NFIB: variants seen among roughly 807,000 people sequenced by gnomAD.
NFIB encodes the protein nuclear factor I B, also known as nuclear factor 1 B-type.
NFIB carries 11 observed loss-of-function variants against 61.5 expected under a neutral mutation model. The ratio of observed to expected loss-of-function variants is 0.18; its 90% confidence interval spans 0.11 to 0.30. The LOEUF is 0.30. NFIB is among the 10% of genes least tolerant of loss of function. The pLI is 1.00. For missense variants in NFIB, 471 were observed against 608.9 expected (o/e 0.77, Z 2.38); for synonymous variants, 260 against 216.5 (o/e 1.20, Z -1.76).
At chr9:14,172,901 C>G (rs2045728868) in intron 3 of NFIB, among the ~76,000 whole-genome samples, 3 of 152,168 alleles carry the variant, frequency 2.0e-5, no homozygotes, top group African/African-American at 7.2e-5. Flanking sequence ...TCCCAAGTAG[C>G]TGGGACTACA....
intron 6 of NFIB, among the ~76,000 whole-genome samples, chr9:14,134,854 C>T (rs939443001): frequency 3.6e-5 from 5 of 140,636 alleles, no homozygotes; most frequent in Non-Finnish European, 3.0e-5. Context: ...GCCAAGATCA[C>T]GCCACTGCTC....
intron 2 of NFIB, among the ~76,000 whole-genome samples, chr9:14,223,931 C>G (rs981783195): frequency 1.3e-5 from 2 of 152,148 alleles, no homozygotes; most frequent in Non-Finnish European, 2.9e-5. Flanking sequence ...TCTAGTTGGC[C>G]AAGAAGTCAC....
chr9:14,397,621 A>G (rs2061699975), intron 1 of NFIB, among the ~76,000 whole-genome samples: 1 of 152,202 alleles, frequency 6.6e-6, no homozygotes, highest in Non-Finnish European at 1.5e-5. Flanking sequence ...TCACATTCCT[A>G]TTCAAGACCA....
chr9:14,339,222 C>T (rs1380180271), intron 1 of NFIB, among the ~76,000 whole-genome samples: 2 of 152,136 alleles, frequency 1.3e-5, no homozygotes, highest in Non-Finnish European at 2.9e-5. Context: ...TCACTTGGAA[C>T]CCTGTCTGAC....
At chr9:14,225,838 A>AT (rs540797670) in intron 2 of NFIB, among the ~76,000 whole-genome samples, 1 of 152,174 alleles carries the variant, frequency 6.6e-6, no homozygotes, top group East Asian at 1.9e-4. Context: ...TTTTTTAATG[A>AT]TTTTTTTCTT....
chr9:14,290,924 G>A (rs2059052956), intron 2 of NFIB, among the ~76,000 whole-genome samples: 1 of 151,960 alleles, frequency 6.6e-6, no homozygotes, highest in Non-Finnish European at 1.5e-5. Flanking sequence ...ATTGATTGTG[G>A]TTTCCTGTAC....
At chr9:14,324,616 A>G (rs1025540457) in intron 1 of NFIB, among the ~76,000 whole-genome samples, 1 of 150,270 alleles carries the variant, frequency 6.7e-6, no homozygotes, top group Non-Finnish European at 1.5e-5. Flanking sequence ...AAAGAAAGAG[A>G]AAAGTATTTC....
chr9:14,212,590 G>C (rs1203279492), intron 2 of NFIB, among the ~76,000 whole-genome samples: 1 of 151,604 alleles, frequency 6.6e-6, no homozygotes, highest in Non-Finnish European at 1.5e-5. Context: ...CTGAGTAATA[G>C]TGTGAATAAT....
chr9:14,340,230 C>T (rs534188674), intron 1 of NFIB, among the ~76,000 whole-genome samples: 3 of 152,274 alleles, frequency 2.0e-5, no homozygotes, highest in South Asian at 2.1e-4. Flanking sequence ...GAGCCCAGTG[C>T]CTACCGACTT....
Position 14,237,635 on chromosome 9 carries a change from A to C in NFIB, c.563-57855T>G, listed in dbSNP as rs148586929. 5.6e-3 allele frequency among the ~76,000 whole-genome samples: 856 copies of C among 152,310 alleles called. 8 individuals are homozygous for C. The highest frequency in any genetic ancestry group is 0.02 in the African/African-American group (818 of 41,570). ...ACCAGATGGGAAAGCTGAGGCATCCAAAAGTTAAATAACTCCCAAATAGCC... is the reference window on the plus strand; with the variant it reads ...ACCAGATGGGAAAGCTGAGGCATCCCAAAGTTAAATAACTCCCAAATAGCC... On this transcript the variant is annotated intron_variant, in intron 2 of 10. Coordinates refer to ENST00000380953, the MANE Select transcript of NFIB (RefSeq NM_001190737.2).
Position 14,389,744 on chromosome 9 carries a change from T to C in NFIB, c.108+8780A>G, listed in dbSNP as rs186759264. 1.9e-3 allele frequency among the ~76,000 whole-genome samples: 263 copies of C among 141,488 alleles called. 1 individual carries two copies. The highest frequency in any genetic ancestry group is 3.5e-3 in the Middle Eastern group (1 of 286). 92.8% of individuals were successfully genotyped at this position (141,488 alleles called of 152,430 possible). On this transcript the variant is annotated intron_variant, in intron 1 of 8. Transcript: ENST00000380934. ...GTAATCAGTGTGGCCTTTCCCAGCA[T>C]TTCCACCCCCAAAGACTCTTTATTA...
chr9:14,431,224 T>C, the NFIB span, among the ~76,000 whole-genome samples: 1 of 152,192 alleles, frequency 6.6e-6, no homozygotes, highest in Non-Finnish European at 1.5e-5. Flanking sequence ...AAAACAACCA[T>C]TGGTTATTAT....
Position 14,313,891 on chromosome 9 carries a change from G to A in NFIB, c.-380C>T, listed in dbSNP as rs1041532430. On this transcript the variant is annotated 5_prime_UTR_variant, in exon 1 of 11. Coordinates refer to ENST00000380953, the MANE Select transcript of NFIB (RefSeq NM_001190737.2). This position sits in a 1 kb window ranked among gnomAD's most constrained non-coding sequence, Gnocchi z 4.5. The stretch of plus-strand genomic sequence containing the variant: ...GGGTGTAGGGGGTGCGCGAAGGTTC[G>A]GTGTGGGTTGGATTGGGGTGGTGGT... 3.7e-6 allele frequency: 4 copies of A among 1,085,218 alleles called. No individual in the cohort carries two copies. Among genetic ancestry groups the A allele is most frequent in the African/African-American group, 3.3e-5 (2 of 60,824 alleles). 67.2% of individuals were successfully genotyped at this position (1,085,218 alleles called of 1,614,324 possible). A position where few individuals can be genotyped will look rare whatever the true frequency, so the allele number is the denominator to read the frequency against.
At chr9:14,383,902 G>A (rs796929284) in intron 1 of NFIB, among the ~76,000 whole-genome samples, 7 of 152,296 alleles carry the variant, frequency 4.6e-5, no homozygotes, top group Admixed American at 2.0e-4. Flanking sequence ...CTGCAAGAGC[G>A]CCATGGAAGA....
At chr9:14,433,341 A>T in the NFIB span, among the ~76,000 whole-genome samples, 1 of 152,204 alleles carries the variant, frequency 6.6e-6, no homozygotes, top group Non-Finnish European at 1.5e-5. Flanking sequence ...TATGCCCTTT[A>T]TCAGACCCAA....
At chr9:14,264,259 C>G (rs2057015412) in intron 2 of NFIB, among the ~76,000 whole-genome samples, 1 of 152,044 alleles carries the variant, frequency 6.6e-6, no homozygotes, top group Non-Finnish European at 1.5e-5. Context: ...TTTCCTTCCT[C>G]TCTGTTACTA....
chr9:14,326,830 C>G (rs2060759148), intron 1 of NFIB, among the ~76,000 whole-genome samples: 2 of 151,850 alleles, frequency 1.3e-5, no homozygotes. Context: ...TATGAATTCT[C>G]AGTTTGAAGT....
chr9:14,495,580 T>C, the NFIB span, among the ~76,000 whole-genome samples: 3 of 151,204 alleles, frequency 2.0e-5, no homozygotes, highest in African/African-American at 7.3e-5. Context: ...GCAACGCCAA[T>C]CATTTCAAGC....
At chr9:14,318,997 TC>T (rs1299840475), upstream of NFIB, among the ~76,000 whole-genome samples, 1 of 152,162 alleles carries the variant, frequency 6.6e-6, no homozygotes, top group Admixed American at 6.5e-5. Flanking sequence ...AGTAATTTTT[TC>T]CCCACCAGAG....
Sources: allele counts gnomAD v4.1 joint callset (sites outside exome capture counted in the v4.1 genomes callset), GRCh38; gene constraint gnomAD v4.1.1; non-coding constraint Gnocchi (gnomAD v3.1); transcripts MANE v1.5; gene names NCBI Gene and HGNC (gene_info 2026-07-23, HGNC 2026-07-21).